CHST10: variants seen among roughly 807,000 people sequenced by gnomAD.
CHST10 encodes carbohydrate sulfotransferase 10.
In CHST10, 24 loss-of-function variants were observed where a neutral mutation model predicts 34.7. The ratio of observed to expected loss-of-function variants is 0.69; its 90% CI spans 0.50 to 0.97. CHST10 has a LOEUF of 0.97. Among genes scored for constraint, CHST10 ranks in the 50% least tolerant of loss-of-function variants. The pLI is 0.00. For synonymous variants in CHST10, 161 were observed against 169.3 expected (o/e 0.95, Z 0.38); for missense variants, 402 against 452.1 (o/e 0.89, Z 1.00).
At chr2:100,401,846 C>T (rs570129897) in intron 4 of CHST10, among the ~76,000 whole-genome samples, 106 of 152,290 alleles carry the variant, frequency 7.0e-4, no homozygotes, top group South Asian at 1.7e-3. Flanking sequence ...CCAACCTCTA[C>T]GGCTTGATTC....
intron 2 of CHST10, 62 bp from the exon 3 acceptor site, chr2:100,406,769 T>A (rs1675598137): frequency 1.3e-6 from 2 of 1,550,390 alleles, no homozygotes; most frequent in Non-Finnish European, 1.7e-6. Context: ...CAAAGAGGAA[T>A]GAAAACGACA....
At chr2:100,416,930 G>C in intron 1 of CHST10, 1 of 1,297,072 alleles carries the variant, frequency 7.7e-7, no homozygotes, top group Non-Finnish European at 1.0e-6. Context: ...AGAGGCTCAG[G>C]GCACCCCGGG....
chr2:100,406,204 C>G (rs1675565241), intron 3 of CHST10, among the ~76,000 whole-genome samples: 1 of 152,162 alleles, frequency 6.6e-6, no homozygotes, highest in Admixed American at 6.5e-5. Context: ...GAGGCTGCAC[C>G]TCTCATGATG....
intron 2 of CHST10, chr2:100,407,559 G>A (rs1420031058): frequency 6.6e-6 from 1 of 152,278 alleles, no homozygotes; most frequent in Non-Finnish European, 1.5e-5. Context: ...ATGGCAGGGA[G>A]AAGTGGTCCC....
intron 4 of CHST10, among the ~76,000 whole-genome samples, chr2:100,402,320 T>C (rs1200895222): frequency 6.6e-6 from 1 of 152,222 alleles, no homozygotes; most frequent in Non-Finnish European, 1.5e-5. Flanking sequence ...TCAGGAATGC[T>C]GCACAACCAA....
At position 100,393,571 on chromosome 2, in the gene CHST10, G is replaced by C. The variant is rs1674898610; in HGVS notation, c.745C>G (p.His249Asp). Reference protein sequence around the residue: ...DFVRYLGDPNHRWLDLQFGDH... With the variant: ...DFVRYLGDPNDRWLDLQFGDH... ...CCAAACTGAAGGTCTAGCCATCTGT[G>C]GTTCGGATCGCCGAGGTAGCGCACG... Residue 249 changes from histidine (H) to aspartate (D), a missense_variant, in exon 7 of 7, where the codon CAC becomes GAC. Coordinates refer to ENST00000264249, the MANE Select transcript of CHST10 (RefSeq NM_004854.5). The C allele has an allele frequency of 2.5e-6, 4 of 1,614,132 alleles. No homozygotes were observed. The highest frequency in any genetic ancestry group is 3.4e-6 in the Non-Finnish European group (4 of 1,180,026).
chr2:100,407,412 T>C (rs999337384), intron 2 of CHST10, among the ~76,000 whole-genome samples: 9 of 152,266 alleles, frequency 5.9e-5, no homozygotes, highest in South Asian at 2.1e-4. Context: ...TGTCAGTTCT[T>C]GGCAGGTGAC....
At chr2:100,406,302 T>C (rs529613427) in intron 3 of CHST10, among the ~76,000 whole-genome samples, 1 of 152,316 alleles carries the variant, frequency 6.6e-6, no homozygotes, top group African/African-American at 2.4e-5. Flanking sequence ...GAGGAGACCC[T>C]GCTCCTTGCT....
chr2:100,405,265 C>T (rs1262712045), intron 3 of CHST10, among the ~76,000 whole-genome samples: 6 of 152,230 alleles, frequency 3.9e-5, no homozygotes, highest in East Asian at 1.9e-4. Flanking sequence ...CAGATACCTG[C>T]AGGTGTAATA....
Position 100,395,621 on chromosome 2 carries a change from A to T in CHST10, c.428-7T>A. 5 of 1,612,742 alleles carry T rather than the reference A, an allele frequency of 3.1e-6. No individual in the cohort carries two copies. The highest frequency in any genetic ancestry group is 4.2e-6 in the Non-Finnish European group (5 of 1,178,794). On this transcript the variant is annotated splice_polypyrimidine_tract_variant and splice_region_variant and intron_variant, in intron 5 of 6. Coordinates refer to ENST00000264249, the MANE Select transcript of CHST10 (RefSeq NM_004854.5). ...TCAATGGAAGAAAATGCTCCTGGGA[A>T]GTAAACGGAAAGGAAGGCAGGTTGG...
Position 100,393,449 on chromosome 2 carries a change from A to G in CHST10, c.867T>C (p.Asp289=). ...CAGCCTCTTTTAAGATGTATGGGGC[A>G]TCGTCCTCCAGGGTCTCGTGGTGTC... The part of the protein sequence containing the change: ...VIGHHETLED[D]APYILKEAGI... The change falls in exon 7 of 7, where the codon GAT becomes GAC. Residue 289 remains aspartate, a synonymous_variant. Transcript: ENST00000264249. 26 of 1,614,162 alleles carry G rather than the reference A, an allele frequency of 1.6e-5. No individual in the cohort carries two copies. The highest frequency in any genetic ancestry group is 2.2e-5 in the Non-Finnish European group (26 of 1,180,042).
At chr2:100,399,604 TA>T (rs1172433397) in intron 4 of CHST10, among the ~76,000 whole-genome samples, 2 of 152,190 alleles carry the variant, frequency 1.3e-5, no homozygotes. Context: ...GGGAAGGACA[TA>T]AGACTTCTAG....
chr2:100,406,334 A>C (rs1165791595), intron 3 of CHST10, among the ~76,000 whole-genome samples: 2 of 152,210 alleles, frequency 1.3e-5, no homozygotes, highest in Non-Finnish European at 2.9e-5. Context: ...CCCAGGCCTC[A>C]GCCACAAAGA....
At chr2:100,417,026 G>T (rs776888650) in intron 1 of CHST10, 1 of 1,304,298 alleles carries the variant, frequency 7.7e-7, no homozygotes, top group Non-Finnish European at 1.0e-6. Flanking sequence ...GCCTTCCTCT[G>T]CATGCTCCTT....
chr2:100,414,067 A>G (rs1295892953), intron 2 of CHST10, among the ~76,000 whole-genome samples: 2 of 152,162 alleles, frequency 1.3e-5, no homozygotes, highest in African/African-American at 4.8e-5. Context: ...AAGCCAGGTG[A>G]CAGGTGCAGT....
At chr2:100,412,618 T>C (rs1365350425) in intron 2 of CHST10, among the ~76,000 whole-genome samples, 2 of 152,208 alleles carry the variant, frequency 1.3e-5, no homozygotes, top group South Asian at 2.1e-4. Flanking sequence ...TAAATTTTAA[T>C]GCCTACATGA....
intron 2 of CHST10, 134 bp from the exon 3 acceptor site, chr2:100,406,841 G>A (rs1675602262): frequency 2.0e-6 from 2 of 998,054 alleles, no homozygotes; most frequent in South Asian, 1.7e-5. Flanking sequence ...GCTACAATAG[G>A]TAGTTTGACT....
At chr2:100,395,998 T>C (rs1346037748) in intron 5 of CHST10, among the ~76,000 whole-genome samples, 1 of 152,162 alleles carries the variant, frequency 6.6e-6, no homozygotes, top group Non-Finnish European at 1.5e-5. Flanking sequence ...ACTCTGAGAC[T>C]GGGGGAAAAT....
chr2:100,402,507 C>T (rs1675386075), intron 4 of CHST10, 57 bp downstream of exon 4: 4 of 1,461,160 alleles, frequency 2.7e-6, no homozygotes, highest in Admixed American at 1.7e-5. Context: ...AGGCCAGCTC[C>T]CCGCGACAAG....
Sources: allele counts gnomAD v4.1 joint callset (sites outside exome capture counted in the v4.1 genomes callset), GRCh38; gene constraint gnomAD v4.1.1; transcripts MANE v1.5; gene names NCBI Gene and HGNC (gene_info 2026-07-23, HGNC 2026-07-21).